HOXB3: variants seen among roughly 807,000 people sequenced by gnomAD.
The protein encoded by HOXB3 is homeobox B3.
A neutral mutation model predicts 29.2 loss-of-function variants in HOXB3; 17 were observed. That is an observed-to-expected ratio of 0.58 (90% CI 0.40 to 0.87). The LOEUF is 0.87. Ranked by LOEUF, HOXB3 falls within the 40% of genes least tolerant of loss-of-function variation. The pLI is 0.00. For missense variants in HOXB3, 637 were observed against 616.3 expected (o/e 1.03, Z -0.35); for synonymous variants, 317 against 285.9 (o/e 1.11, Z -1.10).
chr17:48,563,501 A>G (rs1018100996), intron 2 of HOXB3, among the ~76,000 whole-genome samples: 1 of 152,192 alleles, frequency 6.6e-6, no homozygotes, highest in Admixed American at 6.5e-5. Flanking sequence ...GCCTGCTTAC[A>G]TGCTCCCTTT....
chr17:48,552,185 G>C lies in HOXB3; in HGVS notation c.290C>G (p.Thr97Ser). The stretch of plus-strand genomic sequence containing the variant: ...ATTACTGCTGTTGCTAGTGGCACTG[G>C]TAGGTGCGGCACTGGGCGGGGGTGA... ...PGSPPPSAAP[T>S]SATSNSSNGG... Residue 97 changes from threonine (T) to serine (S), a missense_variant, in exon 4 of 5, where the codon ACC (threonine) becomes AGC (serine). Thr to Ser is a moderately conservative substitution (Grantham distance 58, BLOSUM62 1). Coordinates refer to ENST00000498678, the MANE Select transcript of HOXB3 (RefSeq NM_001384749.1). The C allele has an allele frequency of 6.2e-7, 1 of 1,613,810 alleles. No individual in the cohort carries two copies.
chr17:48,550,513 G>A lies in HOXB3; in HGVS notation c.1117C>T (p.Leu373Phe), dbSNP rs778619062. Residue 373 changes from leucine to phenylalanine, a missense_variant, in exon 5 of 5, where the codon CTC (leucine) becomes TTC (phenylalanine). Transcript: ENST00000498678. ...GAAGGGTGATGGGAAAGGTGGTTGA[G>A]GCCATAGAGGGAGGGGCCGGCAGGG... ...PPPAGPSLYG[L>F]NHLSHHPSGN... 1 of 1,581,586 alleles carries A rather than the reference G, an allele frequency of 6.3e-7. No individual in the cohort carries two copies. The highest frequency in any genetic ancestry group is 8.5e-7 in the Non-Finnish European group (1 of 1,169,864).
intron 2 of HOXB3, chr17:48,559,972 C>A (rs1320455590): frequency 6.6e-6 from 1 of 152,302 alleles, no homozygotes; most frequent in Non-Finnish European, 1.5e-5. Context: ...GTGCTGCCAG[C>A]GAGTTGGGAG....
chr17:48,578,873 G>A (rs909038032), intron 1 of HOXB3: 1 of 153,020 alleles, frequency 6.5e-6, no homozygotes, highest in Non-Finnish European at 1.5e-5. Flanking sequence ...TGGGGGCTCC[G>A]TCTCGAAAGG....
At chr17:48,556,563 A>AC (rs1567950718) in intron 2 of HOXB3, 1 of 150,338 alleles carries the variant, frequency 6.7e-6, no homozygotes, top group African/African-American at 2.5e-5. Context: ...AAAAAAAAAA[A>AC]AAAAAAAAAC....
chr17:48,584,835 A>C, intron 1 of HOXB3, among the ~76,000 whole-genome samples: 1 of 150,346 alleles, frequency 6.7e-6, no homozygotes, highest in Admixed American at 6.6e-5. Context: ...CTGCTCCCCC[A>C]CTTCTGCAAC....
At chr17:48,567,185 T>G (rs1486174685) in intron 2 of HOXB3, among the ~76,000 whole-genome samples, 2 of 152,186 alleles carry the variant, frequency 1.3e-5, no homozygotes, top group Non-Finnish European at 2.9e-5. Context: ...TGAGAATCCC[T>G]TGTTAACATG....
chr17:48,571,666 G>A (rs1597843586), intron 2 of HOXB3, among the ~76,000 whole-genome samples: 1 of 152,126 alleles, frequency 6.6e-6, no homozygotes, highest in African/African-American at 2.4e-5. Context: ...TGAGCCTGTA[G>A]AAGGCCCACA....
chr17:48,585,610 T>G (rs1250061267), intron 1 of HOXB3, among the ~76,000 whole-genome samples: 4 of 152,188 alleles, frequency 2.6e-5, no homozygotes, highest in Non-Finnish European at 5.9e-5. Context: ...GGACAACCCG[T>G]GCGCTTTCGG....
At chr17:48,564,497 G>A (rs868509099) in intron 2 of HOXB3, among the ~76,000 whole-genome samples, 3 of 152,288 alleles carry the variant, frequency 2.0e-5, no homozygotes, top group African/African-American at 7.2e-5. Context: ...TGGCACTCCG[G>A]GCGCGGCAGA....
chr17:48,554,429 C>T lies in HOXB3; in HGVS notation c.-159+1102G>A. On this transcript the variant is annotated intron_variant, in intron 3 of 4. Transcript: ENST00000498678. This position sits in a 1 kb window ranked among gnomAD's most constrained non-coding sequence, Gnocchi z 4.1. ...TCCTGCCGCTCCCCTTGCAATAAAC[C>T]CCAAACCATCGCGGGACGGAGGCCA... 1.7e-6 allele frequency: 1 copy of T among 582,184 alleles called. No individual in the cohort carries two copies. The highest frequency in any genetic ancestry group is 2.1e-5 in the South Asian group (1 of 47,772). 36.1% of individuals were successfully genotyped at this position (582,184 alleles called of 1,614,324 possible). A position where few individuals can be genotyped will look rare whatever the true frequency, so the allele number is the denominator to read the frequency against.
At position 48,578,646 on chromosome 17, in the gene HOXB3, A is replaced by C. The variant is rs368022582; in HGVS notation, c.-424-4632T>G. 6.5e-4 allele frequency: 203 copies of C among 311,382 alleles called. 1 individual carries two copies. The highest frequency in any genetic ancestry group is 4.4e-3 in the African/African-American group (188 of 42,730). 19.3% of individuals were successfully genotyped at this position (311,382 alleles called of 1,614,324 possible). On this transcript the variant is annotated intron_variant, in intron 1 of 4. Transcript: ENST00000498678. The stretch of plus-strand genomic sequence containing the variant: ...CGGGATCAGAGAGAGAGCGAGAGAG[A>C]GAGCGCGCGCAGGTTGCGACTGGAG...
intron 2 of HOXB3, among the ~76,000 whole-genome samples, chr17:48,564,389 C>G (rs1054789015): frequency 1.4e-4 from 22 of 152,068 alleles, no homozygotes; most frequent in African/African-American, 5.3e-4. Flanking sequence ...AGCGTCCCGC[C>G]GAGCTGGGGG....
chr17:48,566,919 G>T (rs1237202497), intron 2 of HOXB3, among the ~76,000 whole-genome samples: 3 of 152,186 alleles, frequency 2.0e-5, no homozygotes, highest in Non-Finnish European at 4.4e-5. Flanking sequence ...CACTCAAGGA[G>T]TGGGTGGGGA....
At chr17:48,584,332 C>T (rs1469783995) in intron 1 of HOXB3, among the ~76,000 whole-genome samples, 4 of 152,198 alleles carry the variant, frequency 2.6e-5, no homozygotes, top group Non-Finnish European at 4.4e-5. Context: ...AGTTCTTAAA[C>T]TGGAGCAATT....
intron 1 of HOXB3, among the ~76,000 whole-genome samples, chr17:48,584,692 G>T (rs1271780564): frequency 2.0e-5 from 3 of 152,084 alleles, no homozygotes; most frequent in Admixed American, 2.0e-4. Context: ...TTGCTCAGAG[G>T]GTTCACCACA....
chr17:48,562,206 G>A (rs1011711882), intron 2 of HOXB3, among the ~76,000 whole-genome samples: 1 of 152,144 alleles, frequency 6.6e-6, no homozygotes, highest in African/African-American at 2.4e-5. Context: ...TCTAATTAAA[G>A]GAGGAAGGTT....
At chr17:48,585,796 T>A (rs1416951709) in intron 1 of HOXB3, among the ~76,000 whole-genome samples, 2 of 152,226 alleles carry the variant, frequency 1.3e-5, no homozygotes, top group Non-Finnish European at 2.9e-5. Flanking sequence ...TCCTCTATCA[T>A]GCCTCCAAAT....
At position 48,554,768 on chromosome 17, in the gene HOXB3, A is replaced by G; in HGVS notation, c.-159+763T>C. On this transcript the variant is annotated intron_variant, in intron 3 of 4. Coordinates refer to ENST00000498678, the MANE Select transcript of HOXB3 (RefSeq NM_001384749.1). This position sits in a 1 kb window ranked among gnomAD's most constrained non-coding sequence, Gnocchi z 4.1. ...AAGTTTTGGGAGCTGGAGGTAACCG[A>G]ATTAAAAGGCGCCTTAGAAACTCCG... 1 of 702,322 alleles carries G rather than the reference A, an allele frequency of 1.4e-6. No individual in the cohort carries two copies. Among genetic ancestry groups the G allele is most frequent in the Non-Finnish European group, 2.6e-6 (1 of 384,808 alleles). The allele number at this position is 702,322 out of a possible 1,614,324, so 43.5% of individuals were successfully genotyped here.
Sources: gnomAD v4.1 joint callset for allele counts (sites outside exome capture counted in the v4.1 genomes callset) on GRCh38, gnomAD v4.1.1 for gene constraint, Gnocchi (gnomAD v3.1) non-coding constraint, MANE v1.5 for transcripts, NCBI Gene and HGNC (gene_info 2026-07-23, HGNC 2026-07-21) for gene names.